Variants in LHFPL3 observed in about 807,000 individuals in gnomAD.
The protein encoded by LHFPL3 is LHFPL tetraspan subfamily member 3, also known as LHFPL tetraspan subfamily member 3 protein.
A neutral mutation model predicts 19.3 loss-of-function variants in LHFPL3; 5 were observed. The observed-to-expected ratio is 0.26, with a 90% CI of 0.14 to 0.54. The LOEUF (loss-of-function observed/expected upper bound fraction) is 0.54. Ranked by LOEUF, LHFPL3 falls within the 20% of genes least tolerant of loss-of-function variation. The pLI is 0.94. For missense variants in LHFPL3, 249 were observed against 307.4 expected, an observed-to-expected ratio of 0.81 and a Z score of 1.42; for synonymous variants, 133 against 126.2, an observed-to-expected ratio of 1.05 and a Z score of -0.36.
At chr7:104,361,913 C>A (rs1790395908) in intron 1 of LHFPL3, among the ~76,000 whole-genome samples, 2 of 152,240 alleles carry the variant, frequency 1.3e-5, no homozygotes, top group African/African-American at 2.4e-5. Context: ...GCAAGAATAA[C>A]TGTGATTATT....
At chr7:104,613,655 A>C (rs1361441422) in intron 1 of LHFPL3, among the ~76,000 whole-genome samples, 3 of 152,194 alleles carry the variant, frequency 2.0e-5, no homozygotes, top group Non-Finnish European at 4.4e-5. Flanking sequence ...ACTAATTTTC[A>C]GACCTTGCTT....
chr7:104,355,763 G>A (rs1790261340), intron 1 of LHFPL3, among the ~76,000 whole-genome samples: 2 of 152,126 alleles, frequency 1.3e-5, no homozygotes, highest in South Asian at 4.1e-4. Context: ...TTAAAAAATT[G>A]GACCGGGACC....
At chr7:104,770,315 C>A (rs1442439809) in intron 2 of LHFPL3, among the ~76,000 whole-genome samples, 1 of 152,098 alleles carries the variant, frequency 6.6e-6, no homozygotes, top group East Asian at 1.9e-4. Flanking sequence ...GGCTGACACT[C>A]ATTTTGAGTT....
rs955687942 is a variant in LHFPL3 at position 104,907,110 on chromosome 7, G to A, written c.*895G>A. On this transcript the variant is annotated 3_prime_UTR_variant, in exon 3 of 3. Coordinates refer to ENST00000424859, the MANE Select transcript of LHFPL3 (RefSeq NM_199000.3). ...TTTTTTCTAATTCTCCCTAGTATAT[G>A]CATAGGAATTTAATATACTTTATAA... is the stretch of plus-strand genomic sequence containing the variant. 2 of 152,474 alleles carry A rather than the reference G, an allele frequency of 1.3e-5. No homozygotes were observed. Among genetic ancestry groups the A allele is most frequent in the African/African-American group, 2.4e-5 (1 of 41,404 alleles). The allele number at this position is 152,474 out of a possible 1,614,324, so 9.4% of individuals were successfully genotyped here.
At chr7:104,812,128 TTGGA>T (rs1174431519) in intron 2 of LHFPL3, among the ~76,000 whole-genome samples, 1 of 152,238 alleles carries the variant, frequency 6.6e-6, no homozygotes, top group Non-Finnish European at 1.5e-5. Context: ...GCTGTCTTAC[TTGGA>T]AAGTGATCAA....
At chr7:104,714,342 T>A (rs1400179925) in intron 1 of LHFPL3, among the ~76,000 whole-genome samples, 2 of 152,142 alleles carry the variant, frequency 1.3e-5, no homozygotes, top group Non-Finnish European at 2.9e-5. Context: ...TTACCATAGA[T>A]TGGTCATAGC....
intron 1 of LHFPL3, among the ~76,000 whole-genome samples, chr7:104,688,533 A>G (rs1792846849): frequency 6.6e-6 from 1 of 151,588 alleles, no homozygotes; most frequent in African/African-American, 2.4e-5. Flanking sequence ...TAAAGTCTAA[A>G]GAGACTTTTT....
intron 2 of LHFPL3, chr7:104,802,930 G>A (rs1790284402): frequency 6.6e-6 from 1 of 152,360 alleles, no homozygotes; most frequent in African/African-American, 2.4e-5. Context: ...TCTAAAATAT[G>A]ATGCTCTCCA....
intron 1 of LHFPL3, among the ~76,000 whole-genome samples, chr7:104,458,740 C>T (rs887818082): frequency 4.1e-5 from 6 of 147,260 alleles, no homozygotes; most frequent in African/African-American, 1.5e-4. Context: ...AAAAAAAAAA[C>T]CTTTATGTGG....
At chr7:104,870,468 T>C (rs2385466) in intron 2 of LHFPL3, among the ~76,000 whole-genome samples, 35,032 of 152,126 alleles carry the variant, frequency 0.23, 4,333 homozygotes, top group South Asian at 0.39. Context: ...GGTGAAAATG[T>C]ATGAAAGCTC....
At chr7:104,643,671 G>C in intron 1 of LHFPL3, among the ~76,000 whole-genome samples, 1 of 152,164 alleles carries the variant, frequency 6.6e-6, no homozygotes, top group East Asian at 1.9e-4. Context: ...TAAATTATTT[G>C]GTCTGAGATG....
chr7:104,769,088 A>G (rs1794506647), intron 2 of LHFPL3: 1 of 152,218 alleles, frequency 6.6e-6, no homozygotes, highest in South Asian at 2.1e-4. Flanking sequence ...TTAAATACTT[A>G]CTTTTTCCAT....
chr7:104,330,590 C>T (rs1213336424), intron 1 of LHFPL3, among the ~76,000 whole-genome samples: 1 of 152,092 alleles, frequency 6.6e-6, no homozygotes, highest in Non-Finnish European at 1.5e-5. Context: ...TGTGTTTTGG[C>T]TCGCCTGATA....
intron 2 of LHFPL3, among the ~76,000 whole-genome samples, chr7:104,862,947 A>C (rs1263702186): frequency 6.6e-6 from 1 of 152,162 alleles, no homozygotes; most frequent in Non-Finnish European, 1.5e-5. Flanking sequence ...TATGTGTAGA[A>C]AGATGTTGTA....
At chr7:104,755,713 G>A (rs533102538) in intron 2 of LHFPL3, among the ~76,000 whole-genome samples, 1 of 151,978 alleles carries the variant, frequency 6.6e-6, no homozygotes, top group African/African-American at 2.4e-5. Flanking sequence ...TGTTTGTTTT[G>A]AGATGGAGTT....
intron 1 of LHFPL3, among the ~76,000 whole-genome samples, chr7:104,736,275 C>T (rs980729377): frequency 6.6e-6 from 1 of 152,202 alleles, no homozygotes; most frequent in African/African-American, 2.4e-5. Flanking sequence ...TGTCATAGCT[C>T]CTCAAATCCA....
intron 2 of LHFPL3, chr7:104,752,640 A>C: frequency 6.1e-6 from 2 of 329,682 alleles, no homozygotes; most frequent in East Asian, 9.0e-5. Context: ...CTGAGATAAG[A>C]GGCATATTTA....
intron 1 of LHFPL3, among the ~76,000 whole-genome samples, chr7:104,709,760 G>A (rs1313720561): frequency 1.3e-5 from 2 of 151,720 alleles, no homozygotes; most frequent in Admixed American, 6.6e-5. Flanking sequence ...CCTCCCAGAC[G>A]GGGTGGCGGC....
chr7:104,851,071 C>G (rs1046179204), intron 2 of LHFPL3, among the ~76,000 whole-genome samples: 3 of 152,178 alleles, frequency 2.0e-5, no homozygotes, highest in African/African-American at 7.2e-5. Flanking sequence ...AAATATTGTT[C>G]TCATGTCTTG....
Sources: gnomAD v4.1 joint callset for allele counts (sites outside exome capture counted in the v4.1 genomes callset) on GRCh38, gnomAD v4.1.1 for gene constraint, MANE v1.5 for transcripts, NCBI Gene and HGNC (gene_info 2026-07-23, HGNC 2026-07-21) for gene names.